The following VEGFC variants were observed in gnomAD, a reference collection of about 807,000 sequenced individuals.
The protein encoded by VEGFC is vascular endothelial growth factor C.
In VEGFC, 12 loss-of-function variants were observed where a neutral mutation model predicts 46.1. That is an observed-to-expected ratio of 0.26 (90% CI 0.17 to 0.42). The LOEUF is 0.42. Ranked by LOEUF, VEGFC falls within the 10% of genes least tolerant of loss-of-function variation. The pLI, the probability that VEGFC is intolerant of heterozygous loss-of-function variation, is 1.00. For synonymous variants in VEGFC, 232 were observed against 195.5 expected (o/e 1.19, Z -1.56); for missense variants, 488 against 529.4 (o/e 0.92, Z 0.77).
chr4:176,727,793 G>C lies in VEGFC; in HGVS notation c.537C>G (p.Ser179Arg). 1.9e-6 allele frequency: 3 copies of C among 1,613,254 alleles called. No homozygotes were observed. The highest frequency in any genetic ancestry group is 8.5e-7 in the Non-Finnish European group (1 of 1,179,518). ...EGLQCMNTST[S>R]YLSKTLFEIT... ...CAATACCCACCGTCTTGCTGAGGTA[G>C]CTCGTGCTGGTGTTCATGCACTGCA... Residue 179 changes from serine to arginine, a missense_variant, in exon 3 of 7, where the codon AGC becomes AGG. By Grantham distance (110) the Ser-to-Arg change is moderately radical. Coordinates refer to ENST00000618562, the MANE Select transcript of VEGFC (RefSeq NM_005429.5).
intron 1 of VEGFC, among the ~76,000 whole-genome samples, chr4:176,769,838 T>C (rs937650990): frequency 6.6e-6 from 1 of 152,188 alleles, no homozygotes; most frequent in Non-Finnish European, 1.5e-5. Flanking sequence ...TCAAATCCAG[T>C]TCTGATTTGG....
At chr4:176,715,572 G>C (rs1334060409) in intron 3 of VEGFC, among the ~76,000 whole-genome samples, 1 of 152,050 alleles carries the variant, frequency 6.6e-6, no homozygotes, top group Non-Finnish European at 1.5e-5. Context: ...TCTCATGTGT[G>C]TATATTGACT....
At chr4:176,730,847 G>A (rs780245775) in intron 1 of VEGFC, among the ~76,000 whole-genome samples, 2 of 151,966 alleles carry the variant, frequency 1.3e-5, no homozygotes, top group Non-Finnish European at 2.9e-5. Context: ...GTTATTCTAT[G>A]TAAGTGATTT....
At chr4:176,741,237 A>G (rs1309303104) in intron 1 of VEGFC, among the ~76,000 whole-genome samples, 1 of 151,948 alleles carries the variant, frequency 6.6e-6, no homozygotes, top group Non-Finnish European at 1.5e-5. Flanking sequence ...AAACATTTTT[A>G]GTGTACGGAA....
intron 1 of VEGFC, among the ~76,000 whole-genome samples, chr4:176,762,917 A>C (rs914460799): frequency 5.3e-5 from 8 of 152,228 alleles, no homozygotes; most frequent in Admixed American, 2.6e-4. Flanking sequence ...AGCTAGAACA[A>C]ATCTATAGTG....
Position 176,700,154 on chromosome 4 carries a change from C to T in VEGFC, c.704+11345G>A, listed in dbSNP as rs905387266. 5.9e-5 allele frequency among the ~76,000 whole-genome samples: 9 copies of T among 152,226 alleles called. No individual in the cohort carries two copies. In the East Asian group the frequency reaches 7.7e-4, roughly 13 times the overall value. On this transcript the variant is annotated intron_variant, in intron 4 of 6. Transcript: ENST00000618562. ...GGTTTAGGCTGGGCACGGTGGCTTACGCCTGTAATCCCAGCATTTTGGGAG... is the reference window on the plus strand; with the variant it reads ...GGTTTAGGCTGGGCACGGTGGCTTATGCCTGTAATCCCAGCATTTTGGGAG...
At chr4:176,740,592 T>C (rs1735156011) in intron 1 of VEGFC, among the ~76,000 whole-genome samples, 2 of 148,392 alleles carry the variant, frequency 1.3e-5, no homozygotes, top group South Asian at 4.2e-4. Flanking sequence ...CATATAACTA[T>C]ATATATATTT....
intron 1 of VEGFC, among the ~76,000 whole-genome samples, chr4:176,768,120 C>T (rs938691135): frequency 3.3e-5 from 5 of 152,000 alleles, no homozygotes; most frequent in Admixed American, 1.3e-4. Context: ...TGATCAGAAA[C>T]GGAGAGATAA....
At chr4:176,776,412 A>G (rs1314036659) in intron 1 of VEGFC, among the ~76,000 whole-genome samples, 2 of 152,252 alleles carry the variant, frequency 1.3e-5, no homozygotes, top group Non-Finnish European at 2.9e-5. Flanking sequence ...TAAACTGGGT[A>G]CATGTGACCT....
intron 4 of VEGFC, among the ~76,000 whole-genome samples, chr4:176,709,344 T>C (rs1046681472): frequency 6.6e-6 from 1 of 152,182 alleles, no homozygotes; most frequent in Admixed American, 6.5e-5. Flanking sequence ...TTTTTGAGTG[T>C]TGTTAGCTGA....
At chr4:176,720,714 A>T (rs1010996063) in intron 3 of VEGFC, among the ~76,000 whole-genome samples, 1 of 151,808 alleles carries the variant, frequency 6.6e-6, no homozygotes, top group Non-Finnish European at 1.5e-5. Context: ...GGTGGTGCAC[A>T]CCTGCAATCC....
At chr4:176,738,701 T>C (rs1396398731) in intron 1 of VEGFC, among the ~76,000 whole-genome samples, 1 of 152,050 alleles carries the variant, frequency 6.6e-6, no homozygotes, top group African/African-American at 2.4e-5. Flanking sequence ...GATTGACGAA[T>C]GGGATCTAAT....
chr4:176,778,429 T>C (rs942362500), intron 1 of VEGFC, among the ~76,000 whole-genome samples: 1 of 151,766 alleles, frequency 6.6e-6, no homozygotes, highest in East Asian at 1.9e-4. Context: ...CTTTTTCTAG[T>C]AAAGAATGCT....
chr4:176,792,437 T>G lies in VEGFC; in HGVS notation c.-126A>C, dbSNP rs985649122. ...CCGGGCTCCTCCCGGCGACCCCCCC[T>G]GGGCGAGCCGGAGGCGGCGGGAGCG... On this transcript the variant is annotated 5_prime_UTR_variant, in exon 1 of 7. Transcript: ENST00000618562. The surrounding 1 kb of genome is among the most constrained non-coding windows in gnomAD (Gnocchi z 6.3). 2 of 693,426 alleles carry G rather than the reference T, an allele frequency of 2.9e-6. No homozygotes were observed. The highest frequency in any genetic ancestry group is 4.2e-6 in the Non-Finnish European group (2 of 479,006). 43.0% of individuals were successfully genotyped at this position (693,426 alleles called of 1,614,324 possible). A position where few individuals can be genotyped will look rare whatever the true frequency, so the allele number is the denominator to read the frequency against.
At chr4:176,725,898 T>C (rs1233357603) in intron 3 of VEGFC, among the ~76,000 whole-genome samples, 6 of 152,110 alleles carry the variant, frequency 3.9e-5, no homozygotes, top group Non-Finnish European at 8.8e-5. Flanking sequence ...GAATATCTGC[T>C]TGGCCTAAGT....
chr4:176,719,758 T>C (rs1307074845), intron 3 of VEGFC, among the ~76,000 whole-genome samples: 1 of 152,166 alleles, frequency 6.6e-6, no homozygotes, highest in Admixed American at 6.5e-5. Context: ...CTTGTCTAAC[T>C]GAATTTAAAT....
chr4:176,702,761 TTTGA>T (rs1320425799), intron 4 of VEGFC, among the ~76,000 whole-genome samples: 3 of 152,108 alleles, frequency 2.0e-5, no homozygotes, highest in Non-Finnish European at 4.4e-5. Flanking sequence ...CTCTCTCCTC[TTTGA>T]TTGTACTCTC....
intron 1 of VEGFC, among the ~76,000 whole-genome samples, chr4:176,770,306 A>G (rs1157380129): frequency 6.6e-6 from 1 of 152,146 alleles, no homozygotes; most frequent in East Asian, 1.9e-4. Flanking sequence ...TATATTATTA[A>G]ATTTCTTCTC....
chr4:176,757,457 A>C (rs1270451603), intron 1 of VEGFC, among the ~76,000 whole-genome samples: 3 of 152,104 alleles, frequency 2.0e-5, no homozygotes, highest in Non-Finnish European at 4.4e-5. Flanking sequence ...TATAATGGGT[A>C]ATTTGATCTG....
Sources: allele counts gnomAD v4.1 joint callset (sites outside exome capture counted in the v4.1 genomes callset), GRCh38; gene constraint gnomAD v4.1.1; non-coding constraint Gnocchi (gnomAD v3.1); transcripts MANE v1.5; gene names NCBI Gene and HGNC (gene_info 2026-07-23, HGNC 2026-07-21).